The following SLC29A3 variants were observed in gnomAD, a reference collection of about 807,000 sequenced individuals.
SLC29A3 encodes solute carrier family 29 member 3.
In SLC29A3, 18 loss-of-function variants were observed where a neutral mutation model predicts 25.4. That is an observed-to-expected ratio of 0.71 (90% confidence interval 0.49 to 1.05). The LOEUF is 1.05. Among genes scored for constraint, SLC29A3 ranks in the 50% least tolerant of loss-of-function variants. SLC29A3 has a pLI of 0.00. For missense variants in SLC29A3, 586 were observed against 609.0 expected, an observed-to-expected ratio of 0.96 and a Z score of 0.40; for synonymous variants, 258 against 267.1, an observed-to-expected ratio of 0.97 and a Z score of 0.33.
chr10:71,338,265 C>A (rs1418875778), intron 2 of SLC29A3, among the ~76,000 whole-genome samples: 1 of 152,232 alleles, frequency 6.6e-6, no homozygotes, highest in Non-Finnish European at 1.5e-5. Flanking sequence ...GCTTAGCTGC[C>A]AACCATGTCC....
chr10:71,332,143 C>CTT (rs200663755), intron 2 of SLC29A3, among the ~76,000 whole-genome samples: 2 of 123,880 alleles, frequency 1.6e-5, no homozygotes, highest in Admixed American at 8.7e-5. Context: ...TTTTCTTTTT[C>CTT]TTTTTTTTCT....
intron 3 of SLC29A3, among the ~76,000 whole-genome samples, chr10:71,375,267 T>G (rs1422735933): frequency 6.6e-6 from 1 of 152,314 alleles, no homozygotes; most frequent in African/African-American, 2.4e-5. Flanking sequence ...TCTCCACATG[T>G]GGAAAGAGTG....
chr10:71,351,778 A>G lies in SLC29A3; in HGVS notation c.600A>G (p.Ala200=), dbSNP rs1846771190. The G allele has an allele frequency of 3.1e-6, 5 of 1,612,028 alleles. No homozygotes were observed. The highest frequency in any genetic ancestry group is 1.3e-5 in the African/African-American group (1 of 74,960). ...CCTTTCCTATGAGGAACTCCCAGGCACTGATATCAGGTGAGAGCCAGGGTC... is the reference window on the plus strand; with the variant it reads ...CCTTTCCTATGAGGAACTCCCAGGCGCTGATATCAGGTGAGAGCCAGGGTC... The part of the protein sequence containing the change: ...TGSFPMRNSQ[A]LISGGAMGGT... Residue 200 remains alanine, a synonymous_variant, in exon 4 of 6, where the codon GCA becomes GCG. Transcript: ENST00000373189.
chr10:71,328,250 A>G (rs115707330), intron 2 of SLC29A3, among the ~76,000 whole-genome samples: 3,720 of 152,154 alleles, frequency 0.024, 165 homozygotes, highest in African/African-American at 0.085. Context: ...CCCCCATCTG[A>G]CCAGGAGGTA....
intron 2 of SLC29A3, among the ~76,000 whole-genome samples, chr10:71,325,972 A>G (rs779352383): frequency 8.3e-5 from 12 of 144,192 alleles, no homozygotes; most frequent in Non-Finnish European, 6.0e-5. Context: ...GCTGGAGTGC[A>G]GTGGTGCAGT....
At chr10:71,343,123 C>T (rs1846456854) in intron 2 of SLC29A3, among the ~76,000 whole-genome samples, 1 of 152,214 alleles carries the variant, frequency 6.6e-6, no homozygotes, top group Non-Finnish European at 1.5e-5. Flanking sequence ...CAGGTGCATA[C>T]CACCATGCCC....
downstream of SLC29A3, among the ~76,000 whole-genome samples, chr10:71,367,080 T>TG (rs1452600689): frequency 3.9e-5 from 6 of 152,102 alleles, no homozygotes; most frequent in Non-Finnish European, 8.8e-5. Flanking sequence ...AAAGGAGTAG[T>TG]GGGGGTCTCT....
rs756459745 is a variant in SLC29A3, at chr10:71,351,808, C to A, written c.610+20C>A. ...TATCAGGTGAGAGCCAGGGTCCGGG[C>A]AGCTGACCAGGTTCATCCACCCAGG... On this transcript the variant is annotated intron_variant, in intron 4 of 5. Transcript: ENST00000373189. 2 of 1,588,624 alleles carry A rather than the reference C, an allele frequency of 1.3e-6. No homozygotes were observed. The highest frequency in any genetic ancestry group is 1.3e-5 in the African/African-American group (1 of 74,574).
At chr10:71,347,187 G>A (rs1030790072) in intron 3 of SLC29A3, among the ~76,000 whole-genome samples, 1 of 152,120 alleles carries the variant, frequency 6.6e-6, no homozygotes, top group Non-Finnish European at 1.5e-5. Context: ...TGGCTTTCCC[G>A]ACTGGCTTAT....
At chr10:71,329,238 T>A (rs1352489083) in intron 2 of SLC29A3, among the ~76,000 whole-genome samples, 1 of 152,162 alleles carries the variant, frequency 6.6e-6, no homozygotes, top group East Asian at 1.9e-4. Context: ...AACCAGCGTG[T>A]TCTCCAAGCT....
intron 4 of SLC29A3, among the ~76,000 whole-genome samples, chr10:71,352,140 C>T (rs1259414178): frequency 6.6e-6 from 1 of 152,136 alleles, no homozygotes; most frequent in African/African-American, 2.4e-5. Flanking sequence ...CAGGGACTTC[C>T]GTTCCTCTCT....
At chr10:71,332,786 C>T (rs1248838581) in intron 2 of SLC29A3, among the ~76,000 whole-genome samples, 2 of 152,214 alleles carry the variant, frequency 1.3e-5, no homozygotes, top group African/African-American at 2.4e-5. Context: ...ATAAATAATA[C>T]ACCTGTGATG....
At chr10:71,333,187 T>G (rs1004581103) in intron 2 of SLC29A3, among the ~76,000 whole-genome samples, 3 of 152,256 alleles carry the variant, frequency 2.0e-5, no homozygotes, top group Non-Finnish European at 4.4e-5. Context: ...GCAGGCAGCC[T>G]GGGAAGGGTC....
At chr10:71,327,843 C>T (rs974751579) in intron 2 of SLC29A3, among the ~76,000 whole-genome samples, 7 of 151,798 alleles carry the variant, frequency 4.6e-5, no homozygotes, top group East Asian at 1.9e-4. Context: ...GACCCAGCGT[C>T]CCTTGTCCCT....
intron 3 of SLC29A3, among the ~76,000 whole-genome samples, chr10:71,348,364 G>A (rs540337224): frequency 7.2e-5 from 11 of 152,346 alleles, no homozygotes; most frequent in Non-Finnish European, 1.5e-4. Context: ...TTAGCTGTTA[G>A]GGACCTTAAT....
At chr10:71,355,585 G>A (rs1445974571) in intron 4 of SLC29A3, among the ~76,000 whole-genome samples, 3 of 152,178 alleles carry the variant, frequency 2.0e-5, no homozygotes, top group Non-Finnish European at 4.4e-5. Context: ...CCCAGAAAGG[G>A]TGGCCTCTGG....
intron 5 of SLC29A3, 81 bp from the exon 6 acceptor site, chr10:71,361,873 T>G (rs1847062680): frequency 1.3e-6 from 2 of 1,551,576 alleles, no homozygotes; most frequent in Admixed American, 1.7e-5. Flanking sequence ...TGGAAGGTTC[T>G]GTTCTGAGTG....
At chr10:71,321,545 T>G (rs1271003863) in intron 1 of SLC29A3, among the ~76,000 whole-genome samples, 1 of 152,236 alleles carries the variant, frequency 6.6e-6, no homozygotes, top group East Asian at 1.9e-4. Flanking sequence ...GCATGCTACC[T>G]TACAGCCAAA....
intron 3 of SLC29A3, among the ~76,000 whole-genome samples, chr10:71,373,059 C>T (rs1847223457): frequency 6.6e-6 from 1 of 152,114 alleles, no homozygotes; most frequent in African/African-American, 2.4e-5. Flanking sequence ...CTGCCTCCTA[C>T]CAGGGTGTAG....
Sources: gnomAD v4.1 joint callset for allele counts (sites outside exome capture counted in the v4.1 genomes callset) on GRCh38, gnomAD v4.1.1 for gene constraint, MANE v1.5 for transcripts, NCBI Gene and HGNC (gene_info 2026-07-23, HGNC 2026-07-21) for gene names.